Variants in DLG2 observed in about 807,000 individuals in gnomAD.
DLG2 encodes the protein discs large MAGUK scaffold protein 2.
DLG2 carries 45 observed loss-of-function variants against 132.5 expected under a neutral mutation model. The ratio of observed to expected loss-of-function variants is 0.34; its 90% confidence interval spans 0.27 to 0.44. The LOEUF is 0.44. DLG2 is among the 20% of genes least tolerant of loss of function. The probability of loss-of-function intolerance (pLI) is 1.00; values close to 1 mark genes in which losing one functional copy is unlikely to be tolerated. For missense variants in DLG2, 1,045 were observed against 1,196.9 expected (o/e 0.87, Z 1.87); for synonymous variants, 424 against 419.6 (o/e 1.01, Z -0.13).
intron 3 of DLG2, among the ~76,000 whole-genome samples, chr11:85,539,437 T>C (rs1435207408): frequency 6.6e-6 from 1 of 152,158 alleles, no homozygotes; most frequent in East Asian, 1.9e-4. Flanking sequence ...GCTAGAAGAA[T>C]TGAGGAAATA....
At chr11:84,472,017 A>G (rs2099109728) in intron 7 of DLG2, among the ~76,000 whole-genome samples, 1 of 151,946 alleles carries the variant, frequency 6.6e-6, no homozygotes, top group African/African-American at 2.4e-5. Flanking sequence ...CATGAAAATG[A>G]CATTACCCAA....
intron 3 of DLG2, among the ~76,000 whole-genome samples, chr11:85,383,225 A>G (rs2086042335): frequency 1.3e-5 from 2 of 152,170 alleles, no homozygotes; most frequent in African/African-American, 4.8e-5. Flanking sequence ...CCAGTCATAA[A>G]AGGCTACATG....
chr11:85,178,916 G>A (rs2079508988), intron 4 of DLG2, among the ~76,000 whole-genome samples: 1 of 151,844 alleles, frequency 6.6e-6, no homozygotes, highest in Non-Finnish European at 1.5e-5. Context: ...CATGAAAGGA[G>A]GATGAAGAGA....
At chr11:85,047,049 T>C (rs142366604) in intron 6 of DLG2, among the ~76,000 whole-genome samples, 1 of 152,120 alleles carries the variant, frequency 6.6e-6, no homozygotes, top group African/African-American at 2.4e-5. Context: ...AATATAGAGA[T>C]AGTTATCTCT....
At chr11:85,232,476 C>A (rs1013645038) in intron 4 of DLG2, among the ~76,000 whole-genome samples, 2 of 151,802 alleles carry the variant, frequency 1.3e-5, no homozygotes, top group Non-Finnish European at 2.9e-5. Flanking sequence ...TTTTTAATTA[C>A]AACAAAGGTA....
chr11:85,002,670 C>T lies in DLG2; in HGVS notation c.357+108991G>A, dbSNP rs189343276. ...ACCAGATGGGTGCCAAATAGTACTA[C>T]AGTCGACCCTTGAACAACATGGATT... On this transcript the variant is annotated intron_variant, in intron 6 of 27. Coordinates refer to ENST00000376104, the MANE Select transcript of DLG2 (RefSeq NM_001142699.3). 2.2e-4 allele frequency among the ~76,000 whole-genome samples: 33 copies of T among 152,194 alleles called. No homozygotes were observed. The East Asian group carries it at 5.8e-3, about 27-fold the overall frequency.
chr11:84,103,476 G>C (rs2092686776), intron 9 of DLG2, among the ~76,000 whole-genome samples: 1 of 152,038 alleles, frequency 6.6e-6, no homozygotes. Context: ...GCAGTCAATG[G>C]AAACTTCAAG....
intron 21 of DLG2, among the ~76,000 whole-genome samples, chr11:83,484,465 G>GTGAT (rs1457663591): frequency 1.3e-5 from 2 of 151,662 alleles, no homozygotes. Context: ...CAGATAAATG[G>GTGAT]TGATGGAGGG....
chr11:84,630,485 A>G (rs191498574), intron 6 of DLG2, among the ~76,000 whole-genome samples: 3 of 152,298 alleles, frequency 2.0e-5, no homozygotes, highest in East Asian at 1.9e-4. Context: ...GAGAATTTAA[A>G]TGTAATTTGT....
Position 85,020,835 on chromosome 11 carries a change from G to C in DLG2, c.357+90826C>G, listed in dbSNP as rs183497693. The C allele has an allele frequency of 4.7e-4, 347 of 744,546 alleles. 2 individuals are homozygous for C. The Middle Eastern group carries it at 0.011, about 24-fold the overall frequency. 46.1% of individuals were successfully genotyped at this position (744,546 alleles called of 1,614,324 possible). A position where few individuals can be genotyped will look rare whatever the true frequency, so the allele number is the denominator to read the frequency against. On this transcript the variant is annotated intron_variant, in intron 6 of 27. Coordinates refer to ENST00000376104, the MANE Select transcript of DLG2 (RefSeq NM_001142699.3). Reference sequence around the variant, plus strand: ...CATCATCCTTGATCAGCTCCAGCTGGCCATCCCCCAATCTTCATTGTCATC... The same window carrying C: ...CATCATCCTTGATCAGCTCCAGCTGCCCATCCCCCAATCTTCATTGTCATC...
At chr11:83,949,366 C>A (rs938423901) in intron 14 of DLG2, among the ~76,000 whole-genome samples, 1 of 151,714 alleles carries the variant, frequency 6.6e-6, no homozygotes, top group Admixed American at 6.6e-5. Context: ...TTCCTTACCC[C>A]CATTTTCTTG....
rs2093989016 is a variant in DLG2 at position 83,763,203 on chromosome 11, G to GTA, written c.1825+23485_1825+23486dup. 3.9e-5 allele frequency among the ~76,000 whole-genome samples: 6 copies of GTA among 152,244 alleles called. No individual in the cohort carries two copies. In the South Asian group the frequency reaches 1.2e-3, roughly 32 times the overall value. ...TTTAACTTTTATTTTAGGTTTAGGC[G>GTA]TATATGTGCAGGCTTGTTATATAGG... On this transcript the variant is annotated intron_variant, in intron 18 of 27. Transcript: ENST00000376104.
intron 11 of DLG2, among the ~76,000 whole-genome samples, chr11:84,041,515 CTT>C (rs1279096337): frequency 3.3e-5 from 5 of 151,834 alleles, no homozygotes; most frequent in African/African-American, 1.2e-4. Context: ...GCATCTTGTA[CTT>C]TTAACTTGCA....
intron 18 of DLG2, among the ~76,000 whole-genome samples, chr11:83,740,462 C>T (rs1197941990): frequency 6.6e-6 from 1 of 152,068 alleles, no homozygotes; most frequent in Non-Finnish European, 1.5e-5. Context: ...AAAAACTAAT[C>T]AAAGACATTA....
rs193007826 is a variant in DLG2 at position 84,074,800 on chromosome 11, T to A, written c.750-15316A>T. 8.7e-4 allele frequency among the ~76,000 whole-genome samples: 133 copies of A among 152,142 alleles called. 2 individuals are homozygous for A. The highest frequency in any genetic ancestry group is 7.6e-3 in the Admixed American group (116 of 15,286). Reference sequence around the variant, plus strand: ...ACCTCGGCCTCCCAAAGTGTTGGGATTACAGGCTTGAGCCACCGCGCCCGG... The same window carrying A: ...ACCTCGGCCTCCCAAAGTGTTGGGAATACAGGCTTGAGCCACCGCGCCCGG... On this transcript the variant is annotated intron_variant, in intron 10 of 27. Coordinates refer to ENST00000376104, the MANE Select transcript of DLG2 (RefSeq NM_001142699.3).
chr11:84,576,972 G>A (rs1208892820), intron 6 of DLG2, among the ~76,000 whole-genome samples: 2 of 152,072 alleles, frequency 1.3e-5, no homozygotes, highest in Non-Finnish European at 2.9e-5. Context: ...GTTGTGGGAG[G>A]GACTCGGGGA....
At chr11:85,316,998 T>C (rs891485697) in intron 3 of DLG2, among the ~76,000 whole-genome samples, 4 of 152,000 alleles carry the variant, frequency 2.6e-5, no homozygotes, top group African/African-American at 9.7e-5. Flanking sequence ...TGACCTGTTC[T>C]GAAGTGTCAG....
At chr11:83,476,834 C>G (rs1206628686) in intron 22 of DLG2, among the ~76,000 whole-genome samples, 5 of 152,012 alleles carry the variant, frequency 3.3e-5, no homozygotes, top group African/African-American at 1.2e-4. Context: ...TAATGTAAAA[C>G]ATGTCTAATA....
intron 6 of DLG2, among the ~76,000 whole-genome samples, chr11:84,976,734 C>T (rs2054960188): frequency 1.3e-5 from 2 of 152,086 alleles, no homozygotes. Flanking sequence ...TTTTAAGATA[C>T]AATTTTACTT....
Sources: gnomAD v4.1 joint callset for allele counts (sites outside exome capture counted in the v4.1 genomes callset) on GRCh38, gnomAD v4.1.1 for gene constraint, MANE v1.5 for transcripts, NCBI Gene and HGNC (gene_info 2026-07-23, HGNC 2026-07-21) for gene names.